Variants in SPG7 observed in about 807,000 individuals in gnomAD.
SPG7 encodes the protein SPG7 matrix AAA peptidase subunit, paraplegin, also known as mitochondrial inner membrane m-AAA protease component paraplegin.
In SPG7, 103 loss-of-function variants were observed where a neutral mutation model predicts 81.9. The ratio of observed to expected loss-of-function variants is 1.26; its 90% CI spans 1.07 to 1.48. The LOEUF is 1.48. SPG7 is among the 40% of genes most tolerant of loss of function. The probability of loss-of-function intolerance (pLI) is 0.00; values close to 1 mark genes in which losing one functional copy is unlikely to be tolerated. For synonymous variants in SPG7, 534 were observed against 444.2 expected (o/e 1.20, Z -2.54); for missense variants, 1,241 against 1,087.3 (o/e 1.14, Z -1.99).
Position 89,526,389 on chromosome 16 carries a change from C to CG in SPG7, c.680dup (p.Ala228SerfsTer3). On this transcript the variant is annotated frameshift_variant, in exon 5 of 17. Transcript: ENST00000645818. LOFTEE classifies it high-confidence loss of function. The stretch of plus-strand genomic sequence containing the variant: ...TATTGACAAGTTTGAAGAGAAGCTT[C>CG]GAGCAGCTGAAGATGAGCTGAATAT... The CG allele has an allele frequency of 6.2e-7, 1 of 1,614,138 alleles. No individual in the cohort carries two copies. The highest frequency in any genetic ancestry group is 8.5e-7 in the Non-Finnish European group (1 of 1,180,024).
chr16:89,532,547 C>G lies in SPG7; in HGVS notation c.1235C>G (p.Ala412Gly). The G allele has an allele frequency of 6.2e-7, 1 of 1,613,772 alleles. No individual in the cohort carries two copies. The highest frequency in any genetic ancestry group is 2.2e-5 in the East Asian group (1 of 44,884). Residue 412 changes from alanine to glycine, a missense_variant, in exon 9 of 17, where the codon GCG becomes GGG. By Grantham distance (60) the Ala-to-Gly change is moderately conservative. Transcript: ENST00000645818. ...ATCGTCTACATCGATGAGATCGACG[C>G]GGTGGGCAAGAAGCGCTCCACCACC... ...PCIVYIDEID[A>G]VGKKRSTTMS...
chr16:89,535,549 C>G (rs2058402677), intron 9 of SPG7, among the ~76,000 whole-genome samples: 1 of 152,204 alleles, frequency 6.6e-6, no homozygotes, highest in Non-Finnish European at 1.5e-5. Flanking sequence ...GAATGGCTGC[C>G]TTCTGCACAC....
intron 9 of SPG7, chr16:89,537,060 C>T (rs2058434625): frequency 6.3e-7 from 1 of 1,580,704 alleles, no homozygotes; most frequent in Non-Finnish European, 8.6e-7. Context: ...CTGAAGGCCT[C>T]TTGTTGAGTG....
chr16:89,523,589 G>A (rs981542297), intron 3 of SPG7: 37 of 415,066 alleles, frequency 8.9e-5, no homozygotes, highest in African/African-American at 6.3e-4. Flanking sequence ...TGGGACGGTC[G>A]TTTCTTTTCT....
intron 9 of SPG7, among the ~76,000 whole-genome samples, chr16:89,536,473 GA>G: frequency 1.1e-5 from 1 of 88,644 alleles, no homozygotes; most frequent in African/African-American, 3.7e-5. Flanking sequence ...TGAGGCGGGT[GA>G]GGCGGGTGAG....
chr16:89,550,647 CA>C, intron 13 of SPG7, 38 bp downstream of exon 13: 1 of 1,459,946 alleles, frequency 6.8e-7, no homozygotes. Flanking sequence ...GGGCCTTGGC[CA>C]AAGGTGGGTG....
chr16:89,536,601 A>T (rs1299407514), intron 9 of SPG7, among the ~76,000 whole-genome samples: 5 of 58,918 alleles, frequency 8.5e-5, no homozygotes, highest in African/African-American at 3.8e-4. Context: ...GAGGCAGGTG[A>T]GGTGAGGTGG....
intron 8 of SPG7, 105 bp from the exon 9 acceptor site, chr16:89,532,358 T>C: frequency 4.3e-6 from 6 of 1,379,578 alleles, no homozygotes; most frequent in Non-Finnish European, 6.2e-6. Flanking sequence ...ATGGAGCTGG[T>C]AGCTTTAGTT....
chr16:89,514,967 C>G (rs1012248153), intron 3 of SPG7, among the ~76,000 whole-genome samples: 1 of 144,570 alleles, frequency 6.9e-6, no homozygotes, highest in Non-Finnish European at 1.5e-5. Context: ...GACGGAGTCT[C>G]GCTCTGTCGC....
At chr16:89,526,852 C>G in intron 5 of SPG7, 1 of 324,002 alleles carries the variant, frequency 3.1e-6, no homozygotes, top group Non-Finnish European at 6.0e-6. Context: ...ATGCCGAAGT[C>G]TCAGCCCCCG....
intron 9 of SPG7, chr16:89,539,866 T>G (rs1157397289): frequency 6.6e-6 from 1 of 152,232 alleles, no homozygotes; most frequent in African/African-American, 2.4e-5. Flanking sequence ...TGAGCCCCCA[T>G]GCCTGGCCTC....
In SPG7 at chr16:89,532,062, T is replaced by C; in HGVS notation, c.1146T>C (p.Ile382=). ...AMAGPEFVEV[I]GGLGAARVRS... is the part of the protein sequence containing the mutation. ...CCGGCCCAGAGTTCGTGGAGGTCATTGGAGGTAGGTGCTGTGGTTGGGGGC... is the reference window on the plus strand; with the variant it reads ...CCGGCCCAGAGTTCGTGGAGGTCATCGGAGGTAGGTGCTGTGGTTGGGGGC... The change falls in exon 8 of 17, where the codon ATT becomes ATC. Residue 382 remains isoleucine (I), a synonymous_variant. Coordinates refer to ENST00000645818, the MANE Select transcript of SPG7 (RefSeq NM_003119.4). 6.2e-7 allele frequency: 1 copy of C among 1,611,938 alleles called. No individual in the cohort carries two copies. The highest frequency in any genetic ancestry group is 8.5e-7 in the Non-Finnish European group (1 of 1,179,796).
At chr16:89,531,776 G>T in intron 7 of SPG7, 128 bp from the exon 8 acceptor site, 1 of 886,348 alleles carries the variant, frequency 1.1e-6, no homozygotes, top group South Asian at 1.5e-5. Context: ...CCAGGAGTTT[G>T]AGGCTGCAGT....
At chr16:89,536,586 G>GAGGTGAGGC (rs1274361044) in intron 9 of SPG7, among the ~76,000 whole-genome samples, 1 of 142,018 alleles carries the variant, frequency 7.0e-6, no homozygotes, top group African/African-American at 2.8e-5. Context: ...TGAGGCGGGT[G>GAGGTGAGGC]AGGTGAGGCA....
intron 9 of SPG7, chr16:89,537,619 C>T: frequency 1.1e-6 from 1 of 933,178 alleles, no homozygotes; most frequent in Non-Finnish European, 1.3e-6. Flanking sequence ...GCAGCCTCCA[C>T]CTCCTAGGCT....
At chr16:89,509,406 A>G (rs1205140722) in intron 1 of SPG7, among the ~76,000 whole-genome samples, 2 of 152,010 alleles carry the variant, frequency 1.3e-5, no homozygotes, top group Non-Finnish European at 2.9e-5. Context: ...GCGCGCCACC[A>G]CACCCAGCTA....
chr16:89,513,839 C>T (rs1013952612), intron 3 of SPG7, among the ~76,000 whole-genome samples: 10 of 152,330 alleles, frequency 6.6e-5, no homozygotes, highest in Non-Finnish European at 1.3e-4. Context: ...GAGGAACTGT[C>T]ATAAGGACTT....
intron 11 of SPG7, chr16:89,546,962 C>G (rs2058572366): frequency 1.7e-6 from 1 of 581,390 alleles, no homozygotes; most frequent in Non-Finnish European, 3.1e-6. Flanking sequence ...CGTCCTCCGC[C>G]CCGGGGTGGA....
At chr16:89,509,483 T>TCA (rs1424513405) in intron 1 of SPG7, among the ~76,000 whole-genome samples, 36 of 152,180 alleles carry the variant, frequency 2.4e-4, no homozygotes, top group African/African-American at 8.7e-4. Context: ...TCTCTTGACC[T>TCA]TGTGATCCGC....
Sources: allele counts gnomAD v4.1 joint callset (sites outside exome capture counted in the v4.1 genomes callset), GRCh38; gene constraint gnomAD v4.1.1; transcripts MANE v1.5; gene names NCBI Gene and HGNC (gene_info 2026-07-23, HGNC 2026-07-21).